BRCA1: variants seen among roughly 807,000 people sequenced by gnomAD.
BRCA1 encodes BRCA1 DNA repair associated.
In BRCA1, 140 loss-of-function variants were observed where a neutral mutation model predicts 173.7. That is an observed-to-expected ratio of 0.81 (90% CI 0.70 to 0.93). BRCA1 has a LOEUF of 0.93. Among genes scored for constraint, BRCA1 ranks in the 40% least tolerant of loss-of-function variants. The pLI is 0.00. For synonymous variants in BRCA1, 662 were observed against 756.0 expected (o/e 0.88, Z 2.04); for missense variants, 1,983 against 2,172.5 (o/e 0.91, Z 1.73).
At chr17:43,108,653 C>T (rs1465314647) in intron 3 of BRCA1, among the ~76,000 whole-genome samples, 1 of 131,502 alleles carries the variant, frequency 7.6e-6, no homozygotes, top group Non-Finnish European at 1.5e-5. Flanking sequence ...TTGCAATGAG[C>T]TGAGAAGAGT....
rs557700938 is a variant in BRCA1 at position 43,059,944 on chromosome 17, C to T, written c.5194-2809G>A. ...TTTTTGAGACGGAGTCTTGCTCTTT[C>T]GCCCAGCCTGGAGTGCAGTGGCGCA... On this transcript the variant is annotated intron_variant, in intron 18 of 22. Coordinates refer to ENST00000357654, the MANE Select transcript of BRCA1 (RefSeq NM_007294.4). Among the ~76,000 whole-genome samples the T allele has an allele frequency of 1.4e-4, 21 of 152,218 alleles. No individual in the cohort carries two copies. The South Asian group carries it at 3.5e-3, about 26-fold the overall frequency.
At chr17:43,065,434 C>T (rs965821135) in intron 16 of BRCA1, among the ~76,000 whole-genome samples, 4 of 152,012 alleles carry the variant, frequency 2.6e-5, no homozygotes, top group Non-Finnish European at 4.4e-5. Context: ...TTTGGGAGGC[C>T]GAGGTAGGTG....
intron 1 of BRCA1, chr17:43,138,447 T>C: frequency 1.7e-6 from 1 of 592,956 alleles, no homozygotes; most frequent in Non-Finnish European, 3.0e-6. Flanking sequence ...TCCAGGCCTC[T>C]GACTTAGCTA....
intron 1 of BRCA1, among the ~76,000 whole-genome samples, chr17:43,146,299 CTTTTTTTTTTTTTT>C (rs774223347): frequency 2.6e-5 from 2 of 76,114 alleles, no homozygotes; most frequent in African/African-American, 6.1e-5. Context: ...ATTTTTGTTA[CTTTTTTTTTTTTTT>C]TTTTTTTTTT....
intron 16 of BRCA1, 34 bp from the exon 17 acceptor site, chr17:43,063,985 T>C: frequency 1.2e-6 from 2 of 1,602,046 alleles, no homozygotes; most frequent in Non-Finnish European, 1.7e-6. Flanking sequence ...GGATTAGAAG[T>C]TGAAAACAAA....
rs747618610 is a variant in BRCA1, at chr17:43,124,001, T to C, written c.80+16A>G. 17 of 1,594,694 alleles carry C rather than the reference T, an allele frequency of 1.1e-5. No individual in the cohort carries two copies. In the South Asian group the frequency reaches 1.8e-4, roughly 17 times the overall value. ...TCATAGGAATCCCAAATTAATACACTCTTGTGCTGACTTACCAGATGGGAC... is the reference window on the plus strand; with the variant it reads ...TCATAGGAATCCCAAATTAATACACCCTTGTGCTGACTTACCAGATGGGAC... On this transcript the variant is annotated intron_variant, in intron 2 of 22. Coordinates refer to ENST00000357654, the MANE Select transcript of BRCA1 (RefSeq NM_007294.4).
intron 3 of BRCA1, 51 bp from the exon 4 acceptor site, chr17:43,106,584 A>G (rs2054802162): frequency 7.2e-7 from 1 of 1,380,128 alleles, no homozygotes; most frequent in African/African-American, 1.4e-5. Flanking sequence ...CCTTTTGTAG[A>G]AAGAATACTC....
At chr17:43,079,788 T>C (rs1597844143) in intron 12 of BRCA1, 2 of 713,518 alleles carry the variant, frequency 2.8e-6, no homozygotes, top group African/African-American at 4.0e-5. Flanking sequence ...TAATAGGTGT[T>C]AAAAAAAAAA....
At chr17:43,100,561 TATATATATATAACATATATATAAC>T (rs1567806975) in intron 6 of BRCA1, among the ~76,000 whole-genome samples, 1 of 39,194 alleles carries the variant, frequency 2.6e-5, no homozygotes, top group East Asian at 5.1e-4. Flanking sequence ...TGTGTGTGTA[TATATATATATAACATATATATAAC>T]ATATATATAT....
intron 3 of BRCA1, among the ~76,000 whole-genome samples, chr17:43,108,850 G>A (rs936335086): frequency 6.6e-6 from 1 of 151,410 alleles, no homozygotes; most frequent in African/African-American, 2.4e-5. Flanking sequence ...AAAATTAGCC[G>A]GGCATGGTGG....
intron 15 of BRCA1, among the ~76,000 whole-genome samples, chr17:43,068,049 G>A (rs956006948): frequency 5.3e-5 from 8 of 151,658 alleles, no homozygotes; most frequent in African/African-American, 1.9e-4. Context: ...AGGCTGAGGC[G>A]GGCAGATCAC....
intron 1 of BRCA1, among the ~76,000 whole-genome samples, chr17:43,146,885 G>T (rs532425372): frequency 6.6e-6 from 1 of 152,236 alleles, no homozygotes; most frequent in Non-Finnish European, 1.5e-5. Context: ...CTTGAAAGGA[G>T]CAATTAAGTT....
chr17:43,112,013 C>T (rs2055058184), intron 3 of BRCA1, among the ~76,000 whole-genome samples: 1 of 151,972 alleles, frequency 6.6e-6, no homozygotes. Context: ...TCATATAGAT[C>T]AAAGTGTTAT....
At chr17:43,141,253 A>T (rs1257476848) in intron 1 of BRCA1, among the ~76,000 whole-genome samples, 1 of 152,224 alleles carries the variant, frequency 6.6e-6, no homozygotes, top group African/African-American at 2.4e-5. Flanking sequence ...AAACTGGGCA[A>T]AATAGAATCT....
rs273898677 is a variant in BRCA1, at chr17:43,093,428, C to T, written c.2103G>A (p.Lys701=). The T allele has an allele frequency of 6.2e-7, 1 of 1,614,040 alleles. No homozygotes were observed. The highest frequency in any genetic ancestry group is 8.5e-7 in the Non-Finnish European group (1 of 1,179,958). ...RHDSDTFPEL[K]LTNAPGSFTK... ...TAAAAGAACCAGGTGCATTTGTTAACTTCAGCTCTGGGAAAGTATCGCTGT... is the reference window on the plus strand; with the variant it reads ...TAAAAGAACCAGGTGCATTTGTTAATTTCAGCTCTGGGAAAGTATCGCTGT... Residue 701 remains lysine (K), a synonymous_variant, in exon 10 of 23, where the codon AAG becomes AAA. Transcript: ENST00000357654.
intron 21 of BRCA1, 150 bp downstream of exon 21, chr17:43,048,971 C>T (rs2152894912): frequency 1.3e-6 from 1 of 744,662 alleles, no homozygotes; most frequent in Non-Finnish European, 2.4e-6. Flanking sequence ...TTACCCATCC[C>T]TTACAGATGG....
chr17:43,145,922 C>T (rs538999604), intron 1 of BRCA1, among the ~76,000 whole-genome samples: 1 of 152,112 alleles, frequency 6.6e-6, no homozygotes, highest in South Asian at 2.1e-4. Flanking sequence ...TGGAGTCAGT[C>T]CTGCATTTAA....
chr17:43,091,281 A>G, intron 10 of BRCA1, 154 bp downstream of exon 10: 1 of 1,085,816 alleles, frequency 9.2e-7, no homozygotes, highest in Non-Finnish European at 1.4e-6. Context: ...ACTTTTTTCT[A>G]TGAAAAGCAC....
At chr17:43,105,795 A>G (rs562842179) in intron 4 of BRCA1, among the ~76,000 whole-genome samples, 7 of 152,204 alleles carry the variant, frequency 4.6e-5, no homozygotes, top group Non-Finnish European at 1.0e-4. Context: ...TAGAATTTAC[A>G]TTGTAGCAGA....
Sources: allele counts gnomAD v4.1 joint callset (sites outside exome capture counted in the v4.1 genomes callset), GRCh38; gene constraint gnomAD v4.1.1; transcripts MANE v1.5; gene names NCBI Gene and HGNC (gene_info 2026-07-23, HGNC 2026-07-21).